The following NUCB2 variants were observed in gnomAD, a reference collection of about 807,000 sequenced individuals.
The protein encoded by NUCB2 is nucleobindin 2, also known as nucleobindin-2.
In NUCB2, 48 loss-of-function variants were observed where a neutral mutation model predicts 57.9. The ratio of observed to expected loss-of-function variants is 0.83; its 90% CI spans 0.66 to 1.05. The LOEUF (loss-of-function observed/expected upper bound fraction) is 1.05. NUCB2 is among the 50% of genes least tolerant of loss of function. NUCB2 has a pLI of 0.00. For missense variants in NUCB2, 442 were observed against 476.2 expected (o/e 0.93, Z 0.67); for synonymous variants, 139 against 152.1 (o/e 0.91, Z 0.64).
chr11:17,338,231 T>C (rs761408036), intron 2 of NUCB2, among the ~76,000 whole-genome samples: 13 of 152,226 alleles, frequency 8.5e-5, no homozygotes, highest in Non-Finnish European at 1.9e-4. Context: ...ATATTGCTCA[T>C]CAAATTATGT....
At chr11:17,281,868 A>T (rs147434236) in intron 1 of NUCB2, among the ~76,000 whole-genome samples, 2,691 of 152,008 alleles carry the variant, frequency 0.018, 26 homozygotes, top group Non-Finnish European at 0.028. Context: ...TTTTTTTTTA[A>T]CAGACTACTT....
At chr11:17,310,756 A>C (rs990548046) in intron 6 of NUCB2, 69 bp from the exon 7 acceptor site, 2 of 1,286,418 alleles carry the variant, frequency 1.6e-6, no homozygotes, top group Admixed American at 4.8e-5. Flanking sequence ...TGCTATATTC[A>C]AGAATGGCTT....
intron 2 of NUCB2, among the ~76,000 whole-genome samples, chr11:17,348,925 G>A (rs748342766): frequency 1.9e-4 from 29 of 151,924 alleles, no homozygotes; most frequent in South Asian, 6.2e-4. Context: ...GATTACAGGC[G>A]TCTGCCACCA....
intron 5 of NUCB2, among the ~76,000 whole-genome samples, chr11:17,302,616 G>A (rs1301984751): frequency 6.6e-6 from 1 of 152,008 alleles, no homozygotes; most frequent in Non-Finnish European, 1.5e-5. Flanking sequence ...TGTCACCTAG[G>A]CTGGAGTGCA....
At chr11:17,301,272 C>A (rs964997369) in intron 4 of NUCB2, among the ~76,000 whole-genome samples, 1 of 73,272 alleles carries the variant, frequency 1.4e-5, no homozygotes, top group Non-Finnish European at 2.4e-5. Flanking sequence ...CGCGCCTGGC[C>A]TTTTTTTTTT....
intron 5 of NUCB2, among the ~76,000 whole-genome samples, chr11:17,307,157 G>C (rs185220982): frequency 6.6e-6 from 1 of 152,238 alleles, no homozygotes; most frequent in Admixed American, 6.5e-5. Context: ...AACTGCCTCA[G>C]GCTCCCAAAG....
At chr11:17,312,628 C>G (rs1210009889) in intron 10 of NUCB2, among the ~76,000 whole-genome samples, 2 of 151,870 alleles carry the variant, frequency 1.3e-5, no homozygotes, top group Non-Finnish European at 2.9e-5. Context: ...GTCTTGAACT[C>G]CTGACCTCAG....
In NUCB2 at chr11:17,323,366, TATATC is replaced by T. The variant is rs200138276; in HGVS notation, c.1003-6756_1003-6752del. 6.1e-3 allele frequency among the ~76,000 whole-genome samples: 929 copies of T among 152,326 alleles called. 8 individuals carry two copies. The highest frequency in any genetic ancestry group is 0.02 in the African/African-American group (844 of 41,588). On this transcript the variant is annotated intron_variant, in intron 11 of 13. Transcript: ENST00000529010. ...TGGTTTTTGTTTTTCATTCTGTTGATATATCATATTGATTTGTGTATGTTGACCCA... is the reference window on the plus strand; with the variant it reads ...TGGTTTTTGTTTTTCATTCTGTTGATATATTGATTTGTGTATGTTGACCCA...
chr11:17,279,113 A>C (rs950443865), intron 1 of NUCB2, among the ~76,000 whole-genome samples: 11 of 152,224 alleles, frequency 7.2e-5, no homozygotes, highest in South Asian at 2.1e-4. Context: ...GAATCGCTTG[A>C]ACCTGGAGGC....
intron 2 of NUCB2, among the ~76,000 whole-genome samples, chr11:17,342,921 T>G (rs1458468041): frequency 2.6e-5 from 4 of 152,178 alleles, no homozygotes; most frequent in Non-Finnish European, 5.9e-5. Context: ...GGTGTTAAAT[T>G]CTCCCATTAT....
In NUCB2 at chr11:17,330,968, T is replaced by A; in HGVS notation, c.1240T>A (p.Leu414Met). ...TCCTCCATCAGGGCCAGCTGGAGAA[T>A]TGAAGTTTGAGCCACGTGTGTAATT... is the stretch of plus-strand genomic sequence containing the variant. ...GIPPSGPAGE[L>M]KFEPHI The change falls in exon 13 of 14, where the codon TTG becomes ATG. Residue 414 changes from leucine (L) to methionine (M), a missense_variant. Physicochemically the swap from Leu to Met is conservative, Grantham distance 15. Coordinates refer to ENST00000529010, the MANE Select transcript of NUCB2 (RefSeq NM_005013.4). This position sits in a 1 kb window ranked among gnomAD's most constrained non-coding sequence, Gnocchi z 4.3. 1 of 1,609,086 alleles carries A rather than the reference T, an allele frequency of 6.2e-7. No homozygotes were observed. The highest frequency in any genetic ancestry group is 8.5e-7 in the Non-Finnish European group (1 of 1,176,560).
downstream of NUCB2, chr11:17,334,468 G>A (rs180813668): frequency 5.7e-4 from 87 of 152,372 alleles, no homozygotes; most frequent in African/African-American, 1.9e-3. Flanking sequence ...TTGGCTCTGA[G>A]TAAAAGTCTC....
At chr11:17,346,950 C>A (rs902349030) in intron 2 of NUCB2, among the ~76,000 whole-genome samples, 1 of 151,896 alleles carries the variant, frequency 6.6e-6, no homozygotes, top group African/African-American at 2.4e-5. Flanking sequence ...ATTTGTGAAC[C>A]CCGAAAATTT....
At chr11:17,335,726 T>TA (rs1421624191), downstream of NUCB2, among the ~76,000 whole-genome samples, 1 of 152,170 alleles carries the variant, frequency 6.6e-6, no homozygotes, top group Non-Finnish European at 1.5e-5. Flanking sequence ...GGCCTTGAAC[T>TA]CCTGACCTCG....
exon 2 of NUCB2, chr11:17,337,530 C>G (rs187366411): frequency 3.9e-4 from 60 of 152,312 alleles, no homozygotes; most frequent in African/African-American, 1.4e-3. Context: ...AATTGGGATA[C>G]TAAGGTGTGT....
chr11:17,279,175 A>G (rs759113150), intron 1 of NUCB2, among the ~76,000 whole-genome samples: 1 of 152,318 alleles, frequency 6.6e-6, no homozygotes, highest in Non-Finnish European at 1.5e-5. Context: ...CTGGGCAACT[A>G]GAGTGAAACT....
intron 2 of NUCB2, among the ~76,000 whole-genome samples, chr11:17,288,948 CACATAT>C (rs1259079001): frequency 0.014 from 822 of 57,174 alleles, 96 homozygotes; most frequent in African/African-American, 0.017. Flanking sequence ...CACACACACA[CACATAT>C]ATATATATAT....
Position 17,331,997 on chromosome 11 carries a change from T to G in NUCB2, c.*578T>G, listed in dbSNP as rs571911679. 1 of 152,330 alleles carries G rather than the reference T, an allele frequency of 6.6e-6. No homozygotes were observed. Among genetic ancestry groups the G allele is most frequent in the South Asian group, 2.1e-4 (1 of 4,822 alleles). The allele number at this position is 152,330 out of a possible 1,614,324, so 9.4% of individuals were successfully genotyped here. A position where few individuals can be genotyped will look rare whatever the true frequency, so the allele number is the denominator to read the frequency against. ...TCAGGTCATTTTTCATTCTTTTTTA[T>G]TTTGCTCTATACTTTATCATTTAAG... is the stretch of plus-strand genomic sequence containing the variant. On this transcript the variant is annotated 3_prime_UTR_variant, in exon 14 of 14. Transcript: ENST00000529010.
intron 11 of NUCB2, among the ~76,000 whole-genome samples, chr11:17,318,571 G>A (rs568429031): frequency 1.3e-5 from 2 of 152,100 alleles, no homozygotes; most frequent in East Asian, 3.9e-4. Context: ...AGGACCCAGG[G>A]AATATTTTTA....
Sources: gnomAD v4.1 joint callset for allele counts (sites outside exome capture counted in the v4.1 genomes callset) on GRCh38, gnomAD v4.1.1 for gene constraint, Gnocchi (gnomAD v3.1) non-coding constraint, MANE v1.5 for transcripts, NCBI Gene and HGNC (gene_info 2026-07-23, HGNC 2026-07-21) for gene names.